Variants in TMEM144 observed in about 807,000 individuals in gnomAD.
The protein encoded by TMEM144 is transmembrane protein 144.
In TMEM144, 39 loss-of-function variants were observed where a neutral mutation model predicts 43.6. That is an observed-to-expected ratio of 0.90 (90% CI 0.69 to 1.17). The LOEUF (loss-of-function observed/expected upper bound fraction) is 1.17, where lower values mean the gene tolerates loss of function less well. Ranked by LOEUF, TMEM144 falls within the 50% of genes most tolerant of loss-of-function variation. The pLI is 0.00. For missense variants in TMEM144, 417 were observed against 411.9 expected (o/e 1.01, Z -0.11); for synonymous variants, 154 against 133.6 (o/e 1.15, Z -1.06).
At position 158,254,435 on chromosome 4, in the gene TMEM144, GTTTTTTTTTTT is replaced by G. The variant is rs5863316; in HGVS notation, c.*922_*932del. 2 of 120,754 alleles carry G rather than the reference GTTTTTTTTTTT, an allele frequency of 1.7e-5. No homozygotes were observed. The highest frequency in any genetic ancestry group is 5.4e-4 in the East Asian group (2 of 3,690). The allele number at this position is 120,754 out of a possible 1,614,324, so 7.5% of individuals were successfully genotyped here. On this transcript the variant is annotated 3_prime_UTR_variant, in exon 13 of 13. Coordinates refer to ENST00000296529, the MANE Select transcript of TMEM144 (RefSeq NM_018342.5). ...GCAAAATAAAATGACAGGCATGCTAGTTTTTTTTTTTTTTTTTTTTTTTTAAGAAAACTGAA... is the reference window on the plus strand; with the variant it reads ...GCAAAATAAAATGACAGGCATGCTAGTTTTTTTTTTTTTAAGAAAACTGAA...
chr4:158,229,496 C>G (rs1213761107), intron 6 of TMEM144, among the ~76,000 whole-genome samples: 3 of 152,042 alleles, frequency 2.0e-5, no homozygotes. Flanking sequence ...GAACAGGACC[C>G]ATTTAAGGCA....
intron 11 of TMEM144, among the ~76,000 whole-genome samples, chr4:158,242,877 A>C (rs551156708): frequency 6.6e-6 from 1 of 152,332 alleles, no homozygotes; most frequent in Non-Finnish European, 1.5e-5. Flanking sequence ...TGTATCTCCT[A>C]TGAAGATGTC....
chr4:158,211,581 C>T lies in TMEM144; in HGVS notation c.-61+7C>T, dbSNP rs1733962179. The T allele has an allele frequency of 6.6e-6, 1 of 152,194 alleles. No homozygotes were observed. Among genetic ancestry groups the T allele is most frequent in the East Asian group, 1.9e-4 (1 of 5,200 alleles). 9.4% of individuals were successfully genotyped at this position (152,194 alleles called of 1,614,324 possible). On this transcript the variant is annotated splice_region_variant and intron_variant, in intron 2 of 12. Coordinates refer to ENST00000296529, the MANE Select transcript of TMEM144 (RefSeq NM_018342.5). ...CCCTTGAGCCATAACCCATGTAAGT[C>T]ACTGCAGGGCTGAACCTCTCTTTGA...
At chr4:158,220,112 A>T (rs1023947406) in intron 6 of TMEM144, among the ~76,000 whole-genome samples, 1 of 152,186 alleles carries the variant, frequency 6.6e-6, no homozygotes, top group African/African-American at 2.4e-5. Context: ...AGATTTTAGT[A>T]CTTTTTTATT....
chr4:158,232,254 T>C (rs551530451), intron 6 of TMEM144, among the ~76,000 whole-genome samples: 15 of 152,258 alleles, frequency 9.9e-5, no homozygotes, highest in Admixed American at 2.6e-4. Context: ...GATTTAAATG[T>C]ATGTTTTTAT....
At chr4:158,212,889 G>A (rs1287343095) in intron 3 of TMEM144, 113 bp downstream of exon 3, 2 of 843,334 alleles carry the variant, frequency 2.4e-6, no homozygotes, top group Non-Finnish European at 3.9e-6. Context: ...TTGATACCTA[G>A]TGAATAGAGC....
chr4:158,243,112 T>G (rs1735709101), intron 11 of TMEM144, among the ~76,000 whole-genome samples: 1 of 152,228 alleles, frequency 6.6e-6, no homozygotes, highest in Non-Finnish European at 1.5e-5. Context: ...GAAATGGATT[T>G]TCAGATTAAA....
chr4:158,232,835 A>G, intron 6 of TMEM144, 66 bp from the exon 7 acceptor site: 1 of 1,128,162 alleles, frequency 8.9e-7, no homozygotes, highest in South Asian at 1.4e-5. Context: ...TTTTTTCTTA[A>G]AAATCAAGCA....
chr4:158,236,716 C>T (rs567103872), intron 8 of TMEM144, among the ~76,000 whole-genome samples: 1 of 152,090 alleles, frequency 6.6e-6, no homozygotes, highest in African/African-American at 2.4e-5. Context: ...GACAAGGTCT[C>T]ACTCTGTCGC....
chr4:158,215,143 T>A (rs755814336), intron 3 of TMEM144, 48 bp from the exon 4 acceptor site: 1 of 1,611,338 alleles, frequency 6.2e-7, no homozygotes, highest in Non-Finnish European at 8.5e-7. Flanking sequence ...GAGCACAAAT[T>A]TACTCAATTC....
At chr4:158,249,444 G>A (rs1736068469) in intron 12 of TMEM144, among the ~76,000 whole-genome samples, 2 of 152,124 alleles carry the variant, frequency 1.3e-5, no homozygotes, top group African/African-American at 2.4e-5. Flanking sequence ...TTTCTGCTTT[G>A]GGAAGAATGT....
intron 6 of TMEM144, among the ~76,000 whole-genome samples, chr4:158,220,282 C>T (rs930199699): frequency 6.6e-6 from 1 of 152,136 alleles, no homozygotes; most frequent in Non-Finnish European, 1.5e-5. Context: ...ATAGCAGATT[C>T]CTGACTTTTT....
chr4:158,222,630 C>T (rs1437061457), intron 6 of TMEM144, among the ~76,000 whole-genome samples: 1 of 152,218 alleles, frequency 6.6e-6, no homozygotes, highest in Non-Finnish European at 1.5e-5. Context: ...TATTCCTGAA[C>T]TATGATTTCC....
At position 158,215,241 on chromosome 4, in the gene TMEM144, G is replaced by A; in HGVS notation, c.160G>A (p.Val54Ile). 4 of 1,613,818 alleles carry A rather than the reference G, an allele frequency of 2.5e-6. No individual in the cohort carries two copies. Among genetic ancestry groups the A allele is most frequent in the Non-Finnish European group, 3.4e-6 (4 of 1,179,810 alleles). Residue 54 changes from valine (V) to isoleucine (I), a missense_variant, in exon 4 of 13, where the codon GTT (valine) becomes ATT (isoleucine). Val to Ile is a conservative substitution (Grantham distance 29). Transcript: ENST00000296529. ...TGCTGCCATATGGTTGGTTGCCTTG[G>A]TTGTCAATCTGATATTACATTGTCC... ...LCAAIWLVAL[V>I]VNLILHCPKF...
intron 2 of TMEM144, chr4:158,212,279 T>C (rs577995054): frequency 6.4e-6 from 1 of 155,100 alleles, no homozygotes; most frequent in South Asian, 2.1e-4. Context: ...CCTTTCTTCA[T>C]AGAGAAGCTA....
chr4:158,244,419 C>A, intron 12 of TMEM144, 70 bp downstream of exon 12: 1 of 1,333,702 alleles, frequency 7.5e-7, no homozygotes, highest in Non-Finnish European at 1.1e-6. Flanking sequence ...TCACGCTTGT[C>A]CTGGCACTTT....
intron 6 of TMEM144, among the ~76,000 whole-genome samples, chr4:158,229,460 G>A (rs1734950522): frequency 1.3e-5 from 2 of 152,140 alleles, no homozygotes; most frequent in Non-Finnish European, 2.9e-5. Context: ...CCTGTTAGAG[G>A]ATCTCACCCA....
intron 12 of TMEM144, among the ~76,000 whole-genome samples, chr4:158,252,842 A>G (rs975100143): frequency 6.6e-5 from 10 of 151,800 alleles, no homozygotes; most frequent in African/African-American, 2.4e-4. Flanking sequence ...AAAAAAAAAT[A>G]GAACCCAAAG....
Position 158,254,255 on chromosome 4 carries a change from T to C in TMEM144, c.*728T>C, listed in dbSNP as rs1736361645. The C allele has an allele frequency of 6.6e-6, 1 of 152,162 alleles. No homozygotes were observed. The highest frequency in any genetic ancestry group is 1.5e-5 in the Non-Finnish European group (1 of 68,032). 9.4% of individuals were successfully genotyped at this position (152,162 alleles called of 1,614,324 possible). ...ACGTACATAAATACACACAGATATG[T>C]TGCTAAAGTGAGATTGTAGGTTATC... On this transcript the variant is annotated 3_prime_UTR_variant, in exon 13 of 13. Transcript: ENST00000296529.
Sources: gnomAD v4.1 joint callset for allele counts (sites outside exome capture counted in the v4.1 genomes callset) on GRCh38, gnomAD v4.1.1 for gene constraint, MANE v1.5 for transcripts, NCBI Gene and HGNC (gene_info 2026-07-23, HGNC 2026-07-21) for gene names.